The following DENND2C variants were observed in gnomAD, a reference collection of about 807,000 sequenced individuals.
DENND2C encodes the protein DENN domain-containing protein 2C.
DENND2C carries 72 observed loss-of-function variants against 112.4 expected under a neutral mutation model. That is an observed-to-expected ratio of 0.64 (90% CI 0.53 to 0.78). The LOEUF is 0.78. Ranked by LOEUF, DENND2C falls within the 30% of genes least tolerant of loss-of-function variation. DENND2C has a pLI of 0.00. For synonymous variants in DENND2C, 329 were observed against 381.6 expected (o/e 0.86, Z 1.61); for missense variants, 992 against 1,113.8 (o/e 0.89, Z 1.56).
At chr1:114,637,602 A>C (rs1285415774) in intron 3 of DENND2C, among the ~76,000 whole-genome samples, 2 of 151,276 alleles carry the variant, frequency 1.3e-5, no homozygotes, top group African/African-American at 4.9e-5. Flanking sequence ...CTGCTGCCTC[A>C]ACCTCTCGGG....
chr1:114,628,477 T>C (rs1656404974), intron 3 of DENND2C, among the ~76,000 whole-genome samples: 1 of 152,218 alleles, frequency 6.6e-6, no homozygotes, highest in South Asian at 2.1e-4. Context: ...AGGTATTTTC[T>C]TTCTCCTAAA....
chr1:114,621,172 C>G (rs1167864363), intron 7 of DENND2C, among the ~76,000 whole-genome samples: 4 of 152,088 alleles, frequency 2.6e-5, no homozygotes, highest in Admixed American at 2.6e-4. Flanking sequence ...ACCTGCAGTC[C>G]CGGAACTCTG....
At chr1:114,638,162 C>T (rs1656707963) in intron 3 of DENND2C, among the ~76,000 whole-genome samples, 1 of 151,970 alleles carries the variant, frequency 6.6e-6, no homozygotes, top group Non-Finnish European at 1.5e-5. Flanking sequence ...AATTGATTTC[C>T]ACAAAGCTGG....
intron 18 of DENND2C, chr1:114,588,522 T>C (rs1655103962): frequency 6.5e-6 from 1 of 152,708 alleles, no homozygotes; most frequent in South Asian, 2.1e-4. Context: ...TTCCAAACCT[T>C]AGTTTTCCAG....
intron 2 of DENND2C, among the ~76,000 whole-genome samples, chr1:114,648,922 T>C (rs1657073475): frequency 6.6e-6 from 1 of 152,146 alleles, no homozygotes; most frequent in African/African-American, 2.4e-5. Context: ...TAACTGTCCA[T>C]ATAATTAAAT....
At chr1:114,602,573 T>C (rs1420468289) in intron 11 of DENND2C, among the ~76,000 whole-genome samples, 1 of 152,174 alleles carries the variant, frequency 6.6e-6, no homozygotes, top group Non-Finnish European at 1.5e-5. Flanking sequence ...AAATTTTATT[T>C]TTATTTTTTA....
Position 114,625,196 on chromosome 1 carries a change from G to A in DENND2C, c.789C>T (p.Ile263=). The A allele has an allele frequency of 6.2e-7, 1 of 1,608,004 alleles. No homozygotes were observed. Among genetic ancestry groups the A allele is most frequent in the Non-Finnish European group, 8.5e-7 (1 of 1,178,380 alleles). The part of the protein sequence containing the change: ...EPEPKKYGGK[I]RGRSKRKSFE... ...AAACATACCTTTTAGATCTTCCTCT[G>A]ATTTTTCCACCATATTTCTTTGGTT... Residue 263 remains isoleucine (I), a synonymous_variant, in exon 4 of 21, where the codon ATC becomes ATT. Transcript: ENST00000393274.
chr1:114,649,281 A>T (rs1657091684), intron 2 of DENND2C, among the ~76,000 whole-genome samples: 1 of 152,036 alleles, frequency 6.6e-6, no homozygotes. Flanking sequence ...CCTTTTAAAA[A>T]TCCCCTTCAA....
rs74681171 is a variant in DENND2C at position 114,607,959 on chromosome 1, T to C, written c.1557+727A>G. On this transcript the variant is annotated intron_variant, in intron 10 of 20. Transcript: ENST00000393274. ...CTATGACTCAGAGGGGTAGATACTA[T>C]TGTGATTACCCCCATTTTACAAATT... Among the ~76,000 whole-genome samples, 1,417 of 152,304 alleles carry C rather than the reference T, an allele frequency of 9.3e-3. 38 individuals carry two copies. Among genetic ancestry groups the C allele is most frequent in the East Asian group, 0.054 (279 of 5,184 alleles).
chr1:114,613,918 A>G (rs977847863), intron 8 of DENND2C, among the ~76,000 whole-genome samples: 3 of 152,160 alleles, frequency 2.0e-5, no homozygotes, highest in African/African-American at 7.2e-5. Context: ...TCATTTTGTA[A>G]TACCTGAAAA....
chr1:114,601,694 C>T, intron 12 of DENND2C, 109 bp from the exon 13 acceptor site: 1 of 848,110 alleles, frequency 1.2e-6, no homozygotes, highest in Non-Finnish European at 1.8e-6. Flanking sequence ...GGAGCAGTAA[C>T]CAAGGCTCTC....
intron 2 of DENND2C, among the ~76,000 whole-genome samples, chr1:114,654,231 G>A (rs958357977): frequency 6.6e-6 from 1 of 152,148 alleles, no homozygotes; most frequent in African/African-American, 2.4e-5. Context: ...AGGAGATCAA[G>A]ACCATCCTGG....
Position 114,622,018 on chromosome 1 carries a change from CT to C in DENND2C, c.1103del (p.Lys368ArgfsTer21), listed in dbSNP as rs1245499206. 2 of 1,550,194 alleles carry C rather than the reference CT, an allele frequency of 1.3e-6. No homozygotes were observed. Among genetic ancestry groups the C allele is most frequent in the African/African-American group, 2.7e-5 (2 of 72,932 alleles). ...TTGACCGCAAATAAGCCTGTGAGTT[CT>C]TTACTTCCATAGTCTTCCGGTGAAG... is the stretch of plus-strand genomic sequence containing the variant. ...QFLHRKTMEV[K>X]NSQAYLRSKL... On this transcript the variant is annotated frameshift_variant, in exon 7 of 21. Transcript: ENST00000393274. LOFTEE classifies it high-confidence loss of function.
chr1:114,600,470 G>T lies in DENND2C; in HGVS notation c.1957-118C>A, dbSNP rs1342444804. The T allele has an allele frequency of 6.0e-6, 8 of 1,328,880 alleles. No individual in the cohort carries two copies. The Admixed American group carries it at 1.5e-4, about 26-fold the overall frequency. The allele number at this position is 1,328,880 out of a possible 1,614,324, so 82.3% of individuals were successfully genotyped here. A position where few individuals can be genotyped will look rare whatever the true frequency, so the allele number is the denominator to read the frequency against. ...ATTCAAGAAAGGTCTGCTACACGGG[G>T]TCTGTGAAGCTTCCTATACTAATGC... On this transcript the variant is annotated intron_variant, in intron 14 of 20. Coordinates refer to ENST00000393274, the MANE Select transcript of DENND2C (RefSeq NM_001256404.2).
chr1:114,618,751 G>A (rs1428937226), intron 7 of DENND2C, among the ~76,000 whole-genome samples: 1 of 152,220 alleles, frequency 6.6e-6, no homozygotes, highest in Non-Finnish European at 1.5e-5. Context: ...GTCACTCCAT[G>A]TCACAACATG....
chr1:114,587,990 C>T lies in DENND2C; in HGVS notation c.2432-38G>A, dbSNP rs763253985. On this transcript the variant is annotated intron_variant, in intron 18 of 20. Transcript: ENST00000393274. ...GAAAAAGAAAAAAAGAAAAAAATCT[C>T]CTCAGTTATCTGTATCTGGAAACAC... 1.9e-6 allele frequency: 3 copies of T among 1,566,816 alleles called. No homozygotes were observed. The African/African-American group carries it at 4.1e-5, about 21-fold the overall frequency.
chr1:114,651,277 A>ACC (rs969186356), intron 2 of DENND2C, among the ~76,000 whole-genome samples: 2 of 3,518 alleles, frequency 5.7e-4, no homozygotes, highest in African/African-American at 3.9e-3. Context: ...CCCTACACAT[A>ACC]CACACACACA....
In DENND2C at chr1:114,627,416, T is replaced by C. The variant is rs1231422659; in HGVS notation, c.-204-1228A>G. On this transcript the variant is annotated intron_variant, in intron 3 of 20. Transcript: ENST00000393274. ...AAATATCTTAGCCCAGCTCTGTCAG[T>C]ATAGCTGACCAAAACTGTTATATAC... 2.6e-5 allele frequency among the ~76,000 whole-genome samples: 4 copies of C among 152,334 alleles called. No homozygotes were observed. In the East Asian group the frequency reaches 7.7e-4, roughly 29 times the overall value.
chr1:114,598,069 CTTTA>C (rs892038123), intron 16 of DENND2C, among the ~76,000 whole-genome samples: 1 of 152,166 alleles, frequency 6.6e-6, no homozygotes, highest in South Asian at 2.1e-4. Flanking sequence ...AACAATTTAA[CTTTA>C]TTTATTAAAG....
Sources: allele counts gnomAD v4.1 joint callset (sites outside exome capture counted in the v4.1 genomes callset), GRCh38; gene constraint gnomAD v4.1.1; transcripts MANE v1.5; gene names NCBI Gene and HGNC (gene_info 2026-07-23, HGNC 2026-07-21).